The following RSU1 variants were observed in gnomAD, a reference collection of about 807,000 sequenced individuals.
RSU1 encodes the protein rsu-1.
In RSU1, 26 loss-of-function variants were observed where a neutral mutation model predicts 31.1. The observed-to-expected ratio is 0.84, with a 90% CI of 0.61 to 1.16. The LOEUF is 1.16. Ranked by LOEUF, RSU1 falls within the 50% of genes most tolerant of loss-of-function variation. The pLI is 0.00. For missense variants in RSU1, 320 were observed against 339.1 expected, an observed-to-expected ratio of 0.94 and a Z score of 0.44; for synonymous variants, 164 against 136.3, an observed-to-expected ratio of 1.20 and a Z score of -1.41.
intron 3 of RSU1, among the ~76,000 whole-genome samples, chr10:16,781,071 T>C (rs955301091): frequency 6.6e-6 from 1 of 152,086 alleles, no homozygotes; most frequent in African/African-American, 2.4e-5. Context: ...ATGACACAAA[T>C]CCCTCAACAT....
intron 4 of RSU1, among the ~76,000 whole-genome samples, chr10:16,760,741 AT>A (rs1428716943): frequency 4.0e-5 from 6 of 151,810 alleles, no homozygotes; most frequent in African/African-American, 1.5e-4. Context: ...TTCATATAAA[AT>A]CCCCCCCACC....
At chr10:16,667,148 G>A (rs1835008849) in intron 8 of RSU1, among the ~76,000 whole-genome samples, 1 of 152,144 alleles carries the variant, frequency 6.6e-6, no homozygotes, top group Non-Finnish European at 1.5e-5. Flanking sequence ...CTGACACCAA[G>A]GAGGGAACTT....
At chr10:16,659,017 T>C (rs1834838534) in intron 8 of RSU1, among the ~76,000 whole-genome samples, 1 of 152,234 alleles carries the variant, frequency 6.6e-6, no homozygotes, top group African/African-American at 2.4e-5. Context: ...TGACCATTTT[T>C]CATGTATATT....
chr10:16,663,928 G>A (rs1834936926), intron 8 of RSU1, among the ~76,000 whole-genome samples: 1 of 152,142 alleles, frequency 6.6e-6, no homozygotes, highest in African/African-American at 2.4e-5. Flanking sequence ...AGAGTGCTGG[G>A]TAGTAGTGGG....
In RSU1 at chr10:16,592,776, A is replaced by ATTTC. The variant is rs1327447031; in HGVS notation, c.*614_*617dup. ...GAAACGAACTGTGATTTAATTTTGC[A>ATTTC]TTTCTTTCATGAAAAGTTTATCATG... On this transcript the variant is annotated 3_prime_UTR_variant, in exon 9 of 9. Coordinates refer to ENST00000345264, the MANE Select transcript of RSU1 (RefSeq NM_012425.4). The ATTTC allele has an allele frequency of 2.0e-5, 3 of 152,228 alleles. No homozygotes were observed. The South Asian group carries it at 6.2e-4, about 32-fold the overall frequency. The allele number at this position is 152,228 out of a possible 1,614,324, so 9.4% of individuals were successfully genotyped here.
intron 2 of RSU1, among the ~76,000 whole-genome samples, chr10:16,791,023 G>C (rs1481828467): frequency 6.6e-6 from 1 of 152,148 alleles, no homozygotes; most frequent in Non-Finnish European, 1.5e-5. Flanking sequence ...TAACATGGAA[G>C]GAGTGGTCAG....
chr10:16,761,758 A>G (rs1188859652), intron 4 of RSU1, among the ~76,000 whole-genome samples: 1 of 152,138 alleles, frequency 6.6e-6, no homozygotes, highest in African/African-American at 2.4e-5. Flanking sequence ...TGGGAGGCTG[A>G]GGCAGGAGAA....
chr10:16,720,764 G>A (rs906330076), intron 7 of RSU1, among the ~76,000 whole-genome samples: 1 of 152,150 alleles, frequency 6.6e-6, no homozygotes, highest in Non-Finnish European at 1.5e-5. Context: ...TATGCCACTG[G>A]ATTCATCTGT....
chr10:16,698,146 G>A (rs1009359455), intron 7 of RSU1, among the ~76,000 whole-genome samples: 3 of 151,898 alleles, frequency 2.0e-5, no homozygotes, highest in Middle Eastern at 3.4e-3. Context: ...GAAAGGATCC[G>A]GGAAGGATGA....
Position 16,593,233 on chromosome 10 carries a change from A to C in RSU1, c.*161T>G. 1.3e-5 allele frequency: 18 copies of C among 1,342,800 alleles called. No homozygotes were observed. Among genetic ancestry groups the C allele is most frequent in the Non-Finnish European group, 1.8e-5 (18 of 1,014,044 alleles). The allele number at this position is 1,342,800 out of a possible 1,614,324, so 83.2% of individuals were successfully genotyped here. A position where few individuals can be genotyped will look rare whatever the true frequency, so the allele number is the denominator to read the frequency against. ...CTTATAACAATCTCCCACCTAGCAA[A>C]AGAATCTAAAAGGTAAGGTGGGAAG... On this transcript the variant is annotated 3_prime_UTR_variant, in exon 9 of 9. Coordinates refer to ENST00000345264, the MANE Select transcript of RSU1 (RefSeq NM_012425.4).
At chr10:16,639,218 G>A (rs910336457) in intron 8 of RSU1, among the ~76,000 whole-genome samples, 13 of 152,320 alleles carry the variant, frequency 8.5e-5, no homozygotes, top group South Asian at 6.2e-4. Flanking sequence ...AAAATCACAC[G>A]TGACTCCGGC....
intron 8 of RSU1, among the ~76,000 whole-genome samples, chr10:16,639,878 G>A (rs548428283): frequency 1.3e-5 from 2 of 152,298 alleles, no homozygotes; most frequent in South Asian, 2.1e-4. Context: ...AACCCAGCCA[G>A]CTCATGTTTT....
At position 16,755,004 on chromosome 10, in the gene RSU1, C is replaced by CA. The variant is rs1372509647; in HGVS notation, c.282-16dup. The CA allele has an allele frequency of 1.3e-6, 2 of 1,531,564 alleles. No homozygotes were observed. The highest frequency in any genetic ancestry group is 4.5e-5 in the East Asian group (2 of 44,284). The allele number at this position is 1,531,564 out of a possible 1,614,324, so 94.9% of individuals were successfully genotyped here. ...GCCTGTTCATGCTGTTGCAGGGGGA[C>CA]AAAAATCTATGTCATGACACCAAAG... On this transcript the variant is annotated splice_polypyrimidine_tract_variant and intron_variant, in intron 4 of 8. Transcript: ENST00000345264.
At chr10:16,764,785 G>T (rs1369034611) in intron 3 of RSU1, among the ~76,000 whole-genome samples, 1 of 152,094 alleles carries the variant, frequency 6.6e-6, no homozygotes, top group African/African-American at 2.4e-5. Flanking sequence ...GAGCAAAAAT[G>T]CACAACAGAG....
intron 8 of RSU1, among the ~76,000 whole-genome samples, chr10:16,598,777 G>A (rs372760942): frequency 3.3e-5 from 5 of 152,246 alleles, no homozygotes; most frequent in East Asian, 1.9e-4. Flanking sequence ...TAATACATTC[G>A]TTTTGTTTTC....
intron 8 of RSU1, among the ~76,000 whole-genome samples, chr10:16,605,952 C>G (rs912484167): frequency 1.1e-4 from 17 of 151,812 alleles, no homozygotes; most frequent in Non-Finnish European, 1.8e-4. Context: ...GCACATGCCA[C>G]CATGCCTAAT....
intron 3 of RSU1, among the ~76,000 whole-genome samples, chr10:16,773,546 G>A (rs1354488861): frequency 6.6e-6 from 1 of 152,214 alleles, no homozygotes; most frequent in Non-Finnish European, 1.5e-5. Context: ...ACTTGCAGAG[G>A]CAGCAGGGGA....
intron 7 of RSU1, among the ~76,000 whole-genome samples, chr10:16,746,050 CAA>C (rs1225391650): frequency 6.6e-6 from 1 of 152,164 alleles, no homozygotes; most frequent in African/African-American, 2.4e-5. Context: ...AGAGATATAA[CAA>C]GAGATTTTTG....
chr10:16,740,975 T>C (rs747643321), intron 7 of RSU1, among the ~76,000 whole-genome samples: 4 of 152,164 alleles, frequency 2.6e-5, no homozygotes, highest in Admixed American at 2.0e-4. Flanking sequence ...TAAAATTCAT[T>C]TGGAAACTCA....
Sources: allele counts gnomAD v4.1 joint callset (sites outside exome capture counted in the v4.1 genomes callset), GRCh38; gene constraint gnomAD v4.1.1; transcripts MANE v1.5; gene names NCBI Gene and HGNC (gene_info 2026-07-23, HGNC 2026-07-21).